Variants in PRKN observed in about 807,000 individuals in gnomAD.
PRKN encodes the protein E3 ubiquitin-protein ligase parkin.
PRKN carries 56 observed loss-of-function variants against 59.5 expected under a neutral mutation model. The observed-to-expected ratio is 0.94, with a 90% CI of 0.76 to 1.18. PRKN has a LOEUF of 1.18. Ranked by LOEUF, PRKN falls within the 50% of genes most tolerant of loss-of-function variation. The pLI is 0.00. For synonymous variants in PRKN, 250 were observed against 222.1 expected (o/e 1.13, Z -1.12); for missense variants, 657 against 596.4 (o/e 1.10, Z -1.06).
intron 9 of PRKN, among the ~76,000 whole-genome samples, chr6:161,517,390 T>G (rs1343789617): frequency 6.6e-6 from 1 of 152,068 alleles, no homozygotes; most frequent in Non-Finnish European, 1.5e-5. Context: ...TCTGTTGGTT[T>G]CATGGGGTTC....
chr6:162,445,128 T>C (rs1001588786), intron 1 of PRKN, among the ~76,000 whole-genome samples: 24 of 152,264 alleles, frequency 1.6e-4, no homozygotes, highest in African/African-American at 5.3e-4. Context: ...ATTATAATAA[T>C]CATTACAATG....
At chr6:161,406,584 C>G (rs558019838) in intron 9 of PRKN, among the ~76,000 whole-genome samples, 1 of 151,978 alleles carries the variant, frequency 6.6e-6, no homozygotes, top group Non-Finnish European at 1.5e-5. Flanking sequence ...TATAGCACAA[C>G]AAAGTGGCTT....
At chr6:161,759,275 T>C (rs973697108) in intron 7 of PRKN, among the ~76,000 whole-genome samples, 5 of 152,166 alleles carry the variant, frequency 3.3e-5, no homozygotes, top group Admixed American at 3.3e-4. Context: ...TTTTAATGTA[T>C]GAGTTCATGG....
chr6:161,680,938 G>C (rs1394294162), intron 7 of PRKN, among the ~76,000 whole-genome samples: 1 of 151,320 alleles, frequency 6.6e-6, no homozygotes, highest in African/African-American at 2.4e-5. Context: ...TCTGGTAATA[G>C]GTTTTTGAGT....
chr6:161,728,392 G>A (rs1030111940), intron 7 of PRKN, among the ~76,000 whole-genome samples: 1 of 151,996 alleles, frequency 6.6e-6, no homozygotes, highest in African/African-American at 2.4e-5. Context: ...AGTCACATTA[G>A]CCTACACTGC....
At chr6:161,641,642 A>T (rs1364436215) in intron 7 of PRKN, among the ~76,000 whole-genome samples, 1 of 152,212 alleles carries the variant, frequency 6.6e-6, no homozygotes, top group Non-Finnish European at 1.5e-5. Context: ...CCCAGCCTTG[A>T]TAAATCGGCT....
At chr6:161,860,804 A>T (rs1389175206) in intron 6 of PRKN, among the ~76,000 whole-genome samples, 4 of 152,244 alleles carry the variant, frequency 2.6e-5, no homozygotes, top group Non-Finnish European at 4.4e-5. Flanking sequence ...GAAGACATTT[A>T]TGTGACCAAC....
At chr6:161,997,018 T>C (rs961188225) in intron 5 of PRKN, among the ~76,000 whole-genome samples, 2 of 152,072 alleles carry the variant, frequency 1.3e-5, no homozygotes, top group Admixed American at 6.6e-5. Flanking sequence ...TCTACCTCTA[T>C]ACACATAAAA....
At chr6:161,443,744 G>C (rs1789360076) in intron 9 of PRKN, among the ~76,000 whole-genome samples, 1 of 152,106 alleles carries the variant, frequency 6.6e-6, no homozygotes, top group Admixed American at 6.5e-5. Context: ...TTTTACCTTT[G>C]GTAGAAACAA....
At chr6:161,929,002 A>C (rs1286156156) in intron 6 of PRKN, among the ~76,000 whole-genome samples, 1 of 152,178 alleles carries the variant, frequency 6.6e-6, no homozygotes, top group Non-Finnish European at 1.5e-5. Context: ...CGAGGACTCA[A>C]ACCCACACTT....
chr6:162,020,188 T>C (rs923503105), intron 5 of PRKN, among the ~76,000 whole-genome samples: 1 of 151,786 alleles, frequency 6.6e-6, no homozygotes, highest in Non-Finnish European at 1.5e-5. Context: ...TTGGTCAGGC[T>C]TAGAGAGCTC....
chr6:162,111,244 T>A (rs575125181), intron 4 of PRKN, among the ~76,000 whole-genome samples: 1 of 152,148 alleles, frequency 6.6e-6, no homozygotes, highest in East Asian at 1.9e-4. Context: ...GGTGGGCAGA[T>A]CACGAGGTCA....
chr6:161,441,516 G>A (rs1393015143), intron 9 of PRKN, among the ~76,000 whole-genome samples: 3 of 151,886 alleles, frequency 2.0e-5, no homozygotes, highest in Admixed American at 6.6e-5. Flanking sequence ...GTGGTGGCAC[G>A]TGCCTGTGAT....
At chr6:162,083,864 TATATGAATTG>T (rs1779156259) in intron 4 of PRKN, among the ~76,000 whole-genome samples, 1 of 152,058 alleles carries the variant, frequency 6.6e-6, no homozygotes, top group Non-Finnish European at 1.5e-5. Flanking sequence ...CTGTAACCCA[TATATGAATTG>T]ACAGCATTTT....
At chr6:162,650,761 A>G (rs745620626) in intron 1 of PRKN, among the ~76,000 whole-genome samples, 1 of 152,178 alleles carries the variant, frequency 6.6e-6, no homozygotes, top group African/African-American at 2.4e-5. Context: ...CTAGAGTCCA[A>G]TAATCTTTGT....
chr6:161,829,566 C>A (rs974184040), intron 6 of PRKN, among the ~76,000 whole-genome samples: 1 of 152,084 alleles, frequency 6.6e-6, no homozygotes, highest in East Asian at 1.9e-4. Context: ...GCCTAGAGAG[C>A]CCTGCTGGTG....
chr6:162,323,254 C>T (rs1473595112), intron 2 of PRKN, among the ~76,000 whole-genome samples: 1 of 151,494 alleles, frequency 6.6e-6, no homozygotes, highest in African/African-American at 2.4e-5. Flanking sequence ...TGAAATGGAT[C>T]TCACCAATAA....
intron 7 of PRKN, among the ~76,000 whole-genome samples, chr6:161,766,265 G>A (rs1164273742): frequency 1.3e-5 from 2 of 150,828 alleles, no homozygotes; most frequent in Non-Finnish European, 2.9e-5. Context: ...TGATATGGAA[G>A]TCTCAATTAC....
chr6:162,495,602 T>C (rs1403060427), intron 1 of PRKN, among the ~76,000 whole-genome samples: 1 of 152,206 alleles, frequency 6.6e-6, no homozygotes, highest in Non-Finnish European at 1.5e-5. Context: ...CAGATCTCAG[T>C]GTGATACCTA....
Sources: gnomAD v4.1 joint callset for allele counts (sites outside exome capture counted in the v4.1 genomes callset) on GRCh38, gnomAD v4.1.1 for gene constraint, MANE v1.5 for transcripts, NCBI Gene and HGNC (gene_info 2026-07-23, HGNC 2026-07-21) for gene names.